HUWE1: variants seen among roughly 807,000 people sequenced by gnomAD.
The protein encoded by HUWE1 is HECT, UBA and WWE domain containing E3 ubiquitin protein ligase 1.
A neutral mutation model predicts 299.4 loss-of-function variants in HUWE1; 18 were observed. The observed-to-expected ratio is 0.06, with a 90% CI of 0.04 to 0.09. The LOEUF (loss-of-function observed/expected upper bound fraction) is 0.09, where lower values mean the gene tolerates loss of function less well. Ranked by LOEUF, HUWE1 falls within the 10% of genes least tolerant of loss-of-function variation. HUWE1 has a pLI of 1.00. For missense variants in HUWE1, 1,832 were observed against 3,462.3 expected, an observed-to-expected ratio of 0.53 and a Z score of 11.82; for synonymous variants, 1,317 against 1,286.1, an observed-to-expected ratio of 1.02 and a Z score of -0.51.
At chrX:53,557,020 G>A (rs879950145) in intron 60 of HUWE1, among the ~76,000 whole-genome samples, 1 of 112,239 alleles carries the variant, frequency 8.9e-6, no homozygotes, top group Non-Finnish European at 1.9e-5. Flanking sequence ...CACCATGGTG[G>A]TCATCAAAGG....
Position 53,647,491 on chromosome X carries a change from T to G in HUWE1, c.228A>C (p.Ser76=). ...ADAGQTVENM[S]WMLVCDRPER... ...CTGGCCTATCACATACGAGCATCCA[T>G]GACATATTCTCCACTGTCTGTCCAG... is the stretch of plus-strand genomic sequence containing the variant. The change falls in exon 6 of 84, where the codon TCA becomes TCC. Residue 76 remains serine (S), a synonymous_variant. Coordinates refer to ENST00000262854, the MANE Select transcript of HUWE1 (RefSeq NM_031407.7). 1 of 1,206,757 alleles carries G rather than the reference T, an allele frequency of 8.3e-7. No individual in the cohort carries two copies. The highest frequency in any genetic ancestry group is 1.1e-6 in the Non-Finnish European group (1 of 890,945).
intron 43 of HUWE1, among the ~76,000 whole-genome samples, chrX:53,577,582 G>A (rs1313522286): frequency 9.0e-6 from 1 of 111,715 alleles, no homozygotes; most frequent in Non-Finnish European, 1.9e-5. Flanking sequence ...AAAGCTGGAC[G>A]GTACTGCTGC....
At chrX:53,592,661 T>C (rs782108310) in intron 32 of HUWE1, 33 bp from the exon 33 acceptor site, 3 of 1,032,652 alleles carry the variant, frequency 2.9e-6, no homozygotes, top group Non-Finnish European at 4.0e-6. Flanking sequence ...GTGAAAATCA[T>C]TTTGCTTCAA....
Position 53,558,692 on chromosome X carries a change from C to A in HUWE1, c.8123G>T (p.Gly2708Val). Residue 2708 changes from glycine (G) to valine (V), a missense_variant, in exon 59 of 84, where the codon GGC (glycine) becomes GTC (valine). Gly to Val is a moderately radical substitution (Grantham distance 109). Transcript: ENST00000262854. ...ATCCCTGTTCTCCTTATCTTCTTTG[C>A]CTTTATCAGTTATCTTTGTTTCTTC... The part of the protein sequence containing the change: ...AEEETKITDK[G>V]KEDKENRDQS... 8.3e-7 allele frequency: 1 copy of A among 1,210,618 alleles called. No homozygotes were observed. Among genetic ancestry groups the A allele is most frequent in the South Asian group, 1.8e-5 (1 of 56,954 alleles).
Position 53,554,802 on chromosome X carries a change from T to G in HUWE1, c.8325A>C (p.Pro2775=), listed in dbSNP as rs200029958. Residue 2775 remains proline, a synonymous_variant, in exon 61 of 84, where the codon CCA becomes CCC. Transcript: ENST00000262854. Reference sequence around the variant, plus strand: ...GAACCTCTCCCAAAGCTGGTGGGGTTGGGAGTGTTGGTTGCTGTTGTGAGG... The same window carrying G: ...GAACCTCTCCCAAAGCTGGTGGGGTGGGGAGTGTTGGTTGCTGTTGTGAGG... ...LQSSQQQPTL[P]TPPALGEVPQ... The G allele has an allele frequency of 2.5e-6, 3 of 1,209,489 alleles. No homozygotes were observed. In the East Asian group the frequency reaches 8.9e-5, roughly 36 times the overall value.
intron 43 of HUWE1, among the ~76,000 whole-genome samples, chrX:53,579,402 A>C (rs1556964462): frequency 9.1e-6 from 1 of 110,283 alleles, no homozygotes. Context: ...CCCTACTGGG[A>C]AGTGGGGAGC....
At position 53,632,666 on chromosome X, in the gene HUWE1, A is replaced by C. The variant is rs1317009022; in HGVS notation, c.568-102T>G. On this transcript the variant is annotated intron_variant, in intron 8 of 83. Transcript: ENST00000262854. ...AAAGTCCTAGCCACTTGTTCAACTT[A>C]TTGTGGCAGAAGAATAAGCAGTACA... 4.9e-6 allele frequency: 3 copies of C among 607,376 alleles called. No individual in the cohort carries two copies. In the East Asian group the frequency reaches 1.0e-4, roughly 21 times the overall value. The allele number at this position is 607,376 out of a possible 1,213,427, so 50.1% of individuals were successfully genotyped here. A position where few individuals can be genotyped will look rare whatever the true frequency, so the allele number is the denominator to read the frequency against.
chrX:53,593,867 G>A (rs1437438462), intron 31 of HUWE1, among the ~76,000 whole-genome samples: 1 of 111,919 alleles, frequency 8.9e-6, no homozygotes. Context: ...GGGAGGCTGA[G>A]GCGGGTGGAT....
rs781788865 is a variant in HUWE1, at chrX:53,563,733, C to G, written c.7105+13G>C. 1 of 1,209,508 alleles carries G rather than the reference C, an allele frequency of 8.3e-7. No homozygotes were observed. Among genetic ancestry groups the G allele is most frequent in the Non-Finnish European group, 1.1e-6 (1 of 894,278 alleles). On this transcript the variant is annotated intron_variant, in intron 52 of 83. Transcript: ENST00000262854. ...GCAAAGGAAGAGGCTATACTCAGTT[C>G]TGGGGCTCTCACCTATAATTGTACT... is the stretch of plus-strand genomic sequence containing the variant.
At chrX:53,605,057 G>A (rs1158430171) in intron 25 of HUWE1, among the ~76,000 whole-genome samples, 1 of 111,784 alleles carries the variant, frequency 8.9e-6, no homozygotes, top group Non-Finnish European at 1.9e-5. Context: ...AACTTGGTGA[G>A]CCAATAACAC....
At chrX:53,535,972 C>G in intron 80 of HUWE1, 175 bp downstream of exon 80, 1 of 322,561 alleles carries the variant, frequency 3.1e-6, no homozygotes. Context: ...AAATGGCCTG[C>G]AAATTCTGGT....
At chrX:53,605,760 T>C (rs1460720966) in intron 25 of HUWE1, among the ~76,000 whole-genome samples, 1 of 111,871 alleles carries the variant, frequency 8.9e-6, no homozygotes, top group African/African-American at 3.3e-5. Flanking sequence ...TCTCACTCTT[T>C]TTGATTTCTA....
intron 28 of HUWE1, 152 bp from the exon 29 acceptor site, chrX:53,600,461 AT>A (rs782276688): frequency 9.7e-5 from 45 of 464,126 alleles, no homozygotes; most frequent in African/African-American, 8.3e-4. Context: ...CGACCCAAAT[AT>A]TTTACTGATA....
intron 29 of HUWE1, among the ~76,000 whole-genome samples, chrX:53,596,321 G>T (rs2064467098): frequency 9.0e-6 from 1 of 111,191 alleles, no homozygotes; most frequent in African/African-American, 3.3e-5. Flanking sequence ...GATGAAACAT[G>T]TAGCCTCAAA....
In HUWE1 at chrX:53,604,702, C is replaced by T. The variant is rs2065064252; in HGVS notation, c.2629G>A (p.Ala877Thr). The T allele has an allele frequency of 8.3e-7, 1 of 1,211,578 alleles. No homozygotes were observed. The highest frequency in any genetic ancestry group is 1.1e-6 in the Non-Finnish European group (1 of 895,391). Residue 877 changes from alanine to threonine, a missense_variant, in exon 26 of 84, where the codon GCA becomes ACA. Physicochemically the swap from Ala to Thr is moderately conservative, Grantham distance 58 (BLOSUM62 0). Coordinates refer to ENST00000262854, the MANE Select transcript of HUWE1 (RefSeq NM_031407.7). ...AGGGTAGCATCAGCAACATTGCCTG[C>T]GCAAGCCAGTTCTCGCAACAACACT... Reference protein sequence around the residue: ...GSVLLRELACAGNVADATLSA... With the variant: ...GSVLLRELACTGNVADATLSA...
At chrX:53,660,757 A>C (rs782680185) in intron 3 of HUWE1, among the ~76,000 whole-genome samples, 9 of 111,524 alleles carry the variant, frequency 8.1e-5, no homozygotes, top group Admixed American at 1.9e-4. Flanking sequence ...TAGGTAAAGG[A>C]GGCTTATTAG....
At chrX:53,554,528 T>C (rs372993283) in intron 61 of HUWE1, 105 bp downstream of exon 61, 15 of 831,423 alleles carry the variant, frequency 1.8e-5, no homozygotes, top group South Asian at 1.8e-4. Flanking sequence ...ATTTGAGAAG[T>C]TGAACTCCTA....
chrX:53,603,526 C>T (rs781858320), intron 26 of HUWE1, 25 bp from the exon 27 acceptor site: 4 of 1,197,557 alleles, frequency 3.3e-6, no homozygotes, highest in Middle Eastern at 2.3e-4. Flanking sequence ...AGAATTTCAC[C>T]TTTGGGATGT....
intron 80 of HUWE1, chrX:53,535,811 A>G (rs1556912185): frequency 5.3e-6 from 2 of 380,941 alleles, no homozygotes; most frequent in African/African-American, 5.1e-5. Flanking sequence ...ATCTCTTAGG[A>G]AAAGAATTTA....
Sources: gnomAD v4.1 joint callset for allele counts (sites outside exome capture counted in the v4.1 genomes callset) on GRCh38, gnomAD v4.1.1 for gene constraint, MANE v1.5 for transcripts, NCBI Gene and HGNC (gene_info 2026-07-23, HGNC 2026-07-21) for gene names.